Variants in RAB14 observed in about 807,000 individuals in gnomAD.
RAB14 encodes RAB14, member RAS oncogene family.
RAB14 carries 3 observed loss-of-function variants against 31.1 expected under a neutral mutation model. The observed-to-expected ratio is 0.10, with a 90% CI of 0.04 to 0.25. The LOEUF (loss-of-function observed/expected upper bound fraction) is 0.25. Ranked by LOEUF, RAB14 falls within the 10% of genes least tolerant of loss-of-function variation. The pLI is 1.00. For synonymous variants in RAB14, 85 were observed against 84.9 expected (o/e 1.00, Z 0.00); for missense variants, 111 against 260.1 (o/e 0.43, Z 3.94).
At chr9:121,195,238 T>A (rs2053709033) in intron 1 of RAB14, among the ~76,000 whole-genome samples, 1 of 152,162 alleles carries the variant, frequency 6.6e-6, no homozygotes, top group South Asian at 2.1e-4. Context: ...TTAACTTGAA[T>A]TCTTCCGACT....
chr9:121,201,467 C>T (rs1267023732), intron 1 of RAB14, among the ~76,000 whole-genome samples, 172 bp downstream of exon 1: 2 of 152,044 alleles, frequency 1.3e-5, no homozygotes, highest in African/African-American at 4.8e-5. Context: ...CCTGTCAGGC[C>T]GGCGCCGCGG....
intron 1 of RAB14, among the ~76,000 whole-genome samples, chr9:121,196,782 ATGAC>A (rs1189357773): frequency 6.6e-6 from 1 of 152,238 alleles, no homozygotes; most frequent in African/African-American, 2.4e-5. Context: ...ATAGATATAA[ATGAC>A]TGGTAATACT....
intron 7 of RAB14, among the ~76,000 whole-genome samples, 171 bp from the exon 8 acceptor site, chr9:121,181,744 CTTTT>C (rs3838268): frequency 2.3e-4 from 24 of 102,938 alleles, no homozygotes; most frequent in Admixed American, 8.5e-4. Context: ...AACTATTTTC[CTTTT>C]TTTTTTTTTT....
chr9:121,186,692 T>C (rs1007350521), intron 5 of RAB14, among the ~76,000 whole-genome samples: 5 of 152,172 alleles, frequency 3.3e-5, no homozygotes, highest in African/African-American at 9.7e-5. Context: ...TCAGATTTCA[T>C]AGTCTTCACA....
At chr9:121,188,243 G>T (rs369324614) in intron 4 of RAB14, among the ~76,000 whole-genome samples, 2 of 151,702 alleles carry the variant, frequency 1.3e-5, no homozygotes, top group African/African-American at 4.8e-5. Context: ...TTTGATATTC[G>T]TATTATTGGC....
intron 1 of RAB14, among the ~76,000 whole-genome samples, chr9:121,194,763 T>C (rs559572975): frequency 1.3e-5 from 2 of 152,264 alleles, no homozygotes; most frequent in African/African-American, 4.8e-5. Flanking sequence ...CAAGCAAAAG[T>C]TCTATATAAC....
At chr9:121,200,470 C>A (rs2053756020) in intron 1 of RAB14, among the ~76,000 whole-genome samples, 2 of 152,176 alleles carry the variant, frequency 1.3e-5, no homozygotes, top group Non-Finnish European at 2.9e-5. Context: ...CAGGAAGGCA[C>A]CTGTCCTCTT....
At chr9:121,192,764 T>G (rs1025982135) in intron 2 of RAB14, among the ~76,000 whole-genome samples, 1 of 152,094 alleles carries the variant, frequency 6.6e-6, no homozygotes, top group Non-Finnish European at 1.5e-5. Flanking sequence ...ATGTTAACCC[T>G]TGATGAAGGA....
In RAB14 at chr9:121,178,235, AATTT is replaced by A. The variant is rs2053607963; in HGVS notation, c.*3157_*3160del. ...TTACAATAAAGACAATGAAAGTGAC[AATTT>A]ATTAATACACAGTAAGTTCTAGAAG... On this transcript the variant is annotated 3_prime_UTR_variant, in exon 8 of 8. Coordinates refer to ENST00000373840, the MANE Select transcript of RAB14 (RefSeq NM_016322.4). 1 of 149,726 alleles carries A rather than the reference AATTT, an allele frequency of 6.7e-6. No homozygotes were observed. The highest frequency in any genetic ancestry group is 6.6e-5 in the Admixed American group (1 of 15,234). The allele number at this position is 149,726 out of a possible 1,614,324, so 9.3% of individuals were successfully genotyped here.
chr9:121,188,846 C>T (rs973898235), intron 4 of RAB14, among the ~76,000 whole-genome samples: 3 of 151,868 alleles, frequency 2.0e-5, no homozygotes, highest in African/African-American at 7.3e-5. Context: ...TTTTAAAGTA[C>T]GTAATTTAGT....
intron 5 of RAB14, among the ~76,000 whole-genome samples, chr9:121,186,348 C>T (rs1353969730): frequency 6.6e-6 from 1 of 152,158 alleles, no homozygotes; most frequent in Non-Finnish European, 1.5e-5. Context: ...CTGGTTCTCT[C>T]CCTGCTAGAC....
At chr9:121,190,917 AC>A (rs1344901525) in intron 3 of RAB14, among the ~76,000 whole-genome samples, 186 bp from the exon 4 acceptor site, 1 of 152,178 alleles carries the variant, frequency 6.6e-6, no homozygotes. Context: ...ATGTGACTGT[AC>A]TAGAATCGGG....
intron 1 of RAB14, among the ~76,000 whole-genome samples, chr9:121,197,464 C>A (rs2132029840): frequency 6.6e-6 from 1 of 152,192 alleles, no homozygotes; most frequent in South Asian, 2.1e-4. Context: ...TTCTTTTACT[C>A]AACAAAATGA....
At chr9:121,184,752 A>G (rs966442732) in intron 5 of RAB14, among the ~76,000 whole-genome samples, 1 of 152,230 alleles carries the variant, frequency 6.6e-6, no homozygotes, top group Non-Finnish European at 1.5e-5. Context: ...CAAAGTGCCC[A>G]CTGTGAAGGG....
At position 121,180,782 on chromosome 9, in the gene RAB14, A is replaced by AT. The variant is rs1564317906; in HGVS notation, c.*613dup. 6.5e-6 allele frequency: 1 copy of AT among 152,684 alleles called. No individual in the cohort carries two copies. The highest frequency in any genetic ancestry group is 1.5e-5 in the Non-Finnish European group (1 of 68,042). The allele number at this position is 152,684 out of a possible 1,614,324, so 9.5% of individuals were successfully genotyped here. A position where few individuals can be genotyped will look rare whatever the true frequency, so the allele number is the denominator to read the frequency against. On this transcript the variant is annotated 3_prime_UTR_variant, in exon 8 of 8. Transcript: ENST00000373840. ...GTTAAAGAGAAAAGGATAAAATGGTATAAAAAAAGATAAAGCTATTAATTA... is the reference window on the plus strand; with the variant it reads ...GTTAAAGAGAAAAGGATAAAATGGTATTAAAAAAAGATAAAGCTATTAATTA...
chr9:121,193,346 G>A lies in RAB14; in HGVS notation c.52+15C>T. ...CCTTCTTTTGGGAACAAGAGTGTAA[G>A]TTAAATAAACTTACCAATAATAATA... On this transcript the variant is annotated intron_variant, in intron 2 of 7. Transcript: ENST00000373840. 6.5e-7 allele frequency: 1 copy of A among 1,535,130 alleles called. No individual in the cohort carries two copies. The highest frequency in any genetic ancestry group is 8.9e-7 in the Non-Finnish European group (1 of 1,119,908).
chr9:121,183,704 T>G (rs996447834), intron 5 of RAB14, among the ~76,000 whole-genome samples: 1 of 152,210 alleles, frequency 6.6e-6, no homozygotes, highest in African/African-American at 2.4e-5. Flanking sequence ...TGTTGTTGTT[T>G]TTAACAACCC....
chr9:121,188,805 C>T (rs1195352268), intron 4 of RAB14, among the ~76,000 whole-genome samples: 1 of 152,014 alleles, frequency 6.6e-6, no homozygotes, highest in African/African-American at 2.4e-5. Flanking sequence ...GTTTTTATTA[C>T]AATATAATGA....
intron 2 of RAB14, among the ~76,000 whole-genome samples, chr9:121,192,497 T>C (rs768914324): frequency 3.9e-5 from 6 of 152,142 alleles, no homozygotes; most frequent in Non-Finnish European, 7.4e-5. Flanking sequence ...TGGAATTTTT[T>C]TTACTTTGAG....
Sources: allele counts gnomAD v4.1 joint callset (sites outside exome capture counted in the v4.1 genomes callset), GRCh38; gene constraint gnomAD v4.1.1; transcripts MANE v1.5; gene names NCBI Gene and HGNC (gene_info 2026-07-23, HGNC 2026-07-21).